Variants in ZNF44 observed in about 807,000 individuals in gnomAD.
ZNF44 encodes the protein gonadotropin inducible transcription repressor-2.
ZNF44 carries 9 observed loss-of-function variants against 11.7 expected under a neutral mutation model. The observed-to-expected ratio is 0.77, with a 90% CI of 0.46 to 1.35. The LOEUF (loss-of-function observed/expected upper bound fraction) is 1.35. Ranked by LOEUF, ZNF44 falls within the 40% of genes most tolerant of loss-of-function variation. The pLI, the probability that ZNF44 is intolerant of heterozygous loss-of-function variation, is 0.00. For missense variants in ZNF44, 696 were observed against 743.1 expected (o/e 0.94, Z 0.74); for synonymous variants, 224 against 242.7 (o/e 0.92, Z 0.72).
chr19:12,269,927 T>C (rs1966898666), downstream of ZNF44, among the ~76,000 whole-genome samples: 1 of 152,202 alleles, frequency 6.6e-6, no homozygotes, highest in African/African-American at 2.4e-5. Flanking sequence ...CTCAGAAATT[T>C]ATATATATTT....
chr19:12,264,870 T>G (rs926008579), intron 5 of ZNF44, among the ~76,000 whole-genome samples: 3 of 152,014 alleles, frequency 2.0e-5, no homozygotes, highest in Admixed American at 6.6e-5. Context: ...TAATTTTTTG[T>G]ATTTTTTGTT....
chr19:12,277,915 C>T (rs1967301521), intron 1 of ZNF44, among the ~76,000 whole-genome samples: 2 of 152,130 alleles, frequency 1.3e-5, no homozygotes, highest in African/African-American at 4.8e-5. Flanking sequence ...TTGTAAAATA[C>T]ACAAAAAGTG....
At chr19:12,269,718 A>G (rs907798210), downstream of ZNF44, among the ~76,000 whole-genome samples, 1 of 152,166 alleles carries the variant, frequency 6.6e-6, no homozygotes, top group African/African-American at 2.4e-5. Flanking sequence ...CTGGAGCACT[A>G]TACATGAGTT....
chr19:12,235,280 AATGG>A (rs921374463), intron 1 of ZNF44, among the ~76,000 whole-genome samples: 2 of 152,124 alleles, frequency 1.3e-5, no homozygotes, highest in African/African-American at 4.8e-5. Context: ...GAGGCAGGAG[AATGG>A]CGTGAACCTG....
In ZNF44 at chr19:12,228,582, TCA is replaced by T. The variant is rs962940117; in HGVS notation, n.436+1876_436+1877del. On this transcript the variant is annotated intron_variant and non_coding_transcript_variant, in intron 3 of 3. Transcript: ENST00000597563. ...CCATTTATAAAATTTTTCATGCCTT[TCA>T]CAGTCTGACATGCCTCAACTTTCTG... Among the ~76,000 whole-genome samples, 26 of 152,320 alleles carry T rather than the reference TCA, an allele frequency of 1.7e-4. 1 individual carries two copies. Among genetic ancestry groups the T allele is most frequent in the African/African-American group, 4.8e-4 (20 of 41,582 alleles).
intron 1 of ZNF44, among the ~76,000 whole-genome samples, chr19:12,276,368 G>A (rs1348274163): frequency 2.0e-5 from 3 of 152,108 alleles, no homozygotes; most frequent in African/African-American, 7.2e-5. Flanking sequence ...TTCTACAGTG[G>A]GTCTGTAGTC....
intron 1 of ZNF44, among the ~76,000 whole-genome samples, chr19:12,235,811 G>A (rs531418289): frequency 3.9e-5 from 6 of 152,178 alleles, no homozygotes; most frequent in East Asian, 1.9e-4. Context: ...CCTGGCAACT[G>A]TGAGTATCCT....
intron 1 of ZNF44, among the ~76,000 whole-genome samples, chr19:12,282,881 C>T (rs1454212746): frequency 2.6e-5 from 4 of 152,144 alleles, no homozygotes; most frequent in Admixed American, 1.3e-4. Context: ...TCATGTTTTG[C>T]TGATTGTCTT....
chr19:12,249,496 A>C (rs1916903433), intron 7 of ZNF44, among the ~76,000 whole-genome samples: 2 of 137,262 alleles, frequency 1.5e-5, no homozygotes, highest in African/African-American at 2.8e-5. Flanking sequence ...ACAGAGCAAG[A>C]CTCCGTCTCA....
chr19:12,250,790 T>C (rs1357363923), intron 5 of ZNF44: 1 of 456,336 alleles, frequency 2.2e-6, no homozygotes, highest in Admixed American at 2.3e-5. Flanking sequence ...AGAAGCTTTT[T>C]CTACTATTCC....
At chr19:12,293,823 A>G (rs1028225915) in intron 1 of ZNF44, among the ~76,000 whole-genome samples, 5 of 152,132 alleles carry the variant, frequency 3.3e-5, no homozygotes, top group African/African-American at 7.2e-5. Context: ...TGAAGAGCAC[A>G]GAGACCACAG....
chr19:12,274,266 CTTTTTTTTTTTT>C (rs869093549), intron 3 of ZNF44, among the ~76,000 whole-genome samples: 2 of 90,204 alleles, frequency 2.2e-5, no homozygotes, highest in Admixed American at 1.4e-4. Context: ...ATTCTTAATT[CTTTTTTTTTTTT>C]TTTTTTTTTT....
chr19:12,245,986 T>G (rs2145686835), downstream of ZNF44, among the ~76,000 whole-genome samples: 1 of 152,340 alleles, frequency 6.6e-6, no homozygotes, highest in African/African-American at 2.4e-5. Context: ...GTTCCACAGA[T>G]GTCTCCACCA....
At chr19:12,284,078 T>C (rs911461752) in intron 1 of ZNF44, among the ~76,000 whole-genome samples, 1 of 152,064 alleles carries the variant, frequency 6.6e-6, no homozygotes, top group East Asian at 1.9e-4. Context: ...AATCCCTCCA[T>C]GTAAAAAAGG....
chr19:12,230,806 G>T (rs754428439), intron 2 of ZNF44, among the ~76,000 whole-genome samples: 10 of 152,156 alleles, frequency 6.6e-5, no homozygotes, highest in Non-Finnish European at 1.0e-4. Context: ...TGTCAGAAGT[G>T]CTTTCTCTTA....
In ZNF44 at chr19:12,272,583, T is replaced by A; in HGVS notation, c.1672A>T (p.Arg558Ter). The change falls in exon 4 of 4, where the codon AGA becomes TGA. Residue 558 changes from arginine (R) to a stop codon, truncating the protein, a stop_gained. Transcript: ENST00000355684. LOFTEE classifies it low-confidence loss of function (END_TRUNC). ...CCACAGTGTTTACATTCATAGGGTC[T>A]TTCTCCAGTGTGAGTCCTTTCATGT... ...LRHERTHTGE[R>*]PYECKHCGKA... The A allele has an allele frequency of 1.2e-6, 2 of 1,613,388 alleles. No individual in the cohort carries two copies. The highest frequency in any genetic ancestry group is 2.2e-5 in the South Asian group (2 of 90,938).
chr19:12,273,968 G>A lies in ZNF44; in HGVS notation c.287C>T (p.Thr96Ile), dbSNP rs777103843. Residue 96 changes from threonine (T) to isoleucine (I), a missense_variant, in exon 4 of 4, where the codon ACT becomes ATT. Coordinates refer to ENST00000355684, the MANE Select transcript of ZNF44 (RefSeq NM_016264.4). ...TCCACATGCATCTACTCTGGCGGGA[G>A]TGTTCTTGTTTACAATACTATTTCG... Reference protein sequence around the residue: ...QIRNSIVNKNTPARVDACGSS... With the variant: ...QIRNSIVNKNIPARVDACGSS... 6 of 1,614,094 alleles carry A rather than the reference G, an allele frequency of 3.7e-6. No homozygotes were observed. Among genetic ancestry groups the A allele is most frequent in the East Asian group, 4.5e-5 (2 of 44,884 alleles).
intron 5 of ZNF44, among the ~76,000 whole-genome samples, chr19:12,257,004 G>A (rs1917290237): frequency 6.6e-6 from 1 of 152,030 alleles, no homozygotes; most frequent in African/African-American, 2.4e-5. Flanking sequence ...CACTGCTCCT[G>A]GCCAGCAATG....
Position 12,275,121 on chromosome 19 carries a change from T to C in ZNF44, c.131-88A>G, listed in dbSNP as rs1967158760. 4.2e-6 allele frequency: 4 copies of C among 947,540 alleles called. No individual in the cohort carries two copies. In the East Asian group the frequency reaches 8.7e-5, roughly 21 times the overall value. 58.7% of individuals were successfully genotyped at this position (947,540 alleles called of 1,614,324 possible). On this transcript the variant is annotated intron_variant, in intron 2 of 3. Transcript: ENST00000355684. The stretch of plus-strand genomic sequence containing the variant: ...ATTTTATGTACACTACAATCATGTA[T>C]GATTCATTCATTGAACTATAGTTGA...
Sources: allele counts gnomAD v4.1 joint callset (sites outside exome capture counted in the v4.1 genomes callset), GRCh38; gene constraint gnomAD v4.1.1; transcripts MANE v1.5; gene names NCBI Gene and HGNC (gene_info 2026-07-23, HGNC 2026-07-21).